RALGPS2: variants seen among roughly 807,000 people sequenced by gnomAD.
RALGPS2 encodes the protein ras-specific guanine nucleotide-releasing factor RalGPS2.
In RALGPS2, 43 loss-of-function variants were observed where a neutral mutation model predicts 86.8. The observed-to-expected ratio is 0.50, with a 90% confidence interval of 0.39 to 0.64. The LOEUF (loss-of-function observed/expected upper bound fraction) is 0.64. RALGPS2 is among the 30% of genes least tolerant of loss of function. The pLI, the probability that RALGPS2 is intolerant of heterozygous loss-of-function variation, is 0.00. For missense variants in RALGPS2, 536 were observed against 694.6 expected, an observed-to-expected ratio of 0.77 and a Z score of 2.57; for synonymous variants, 243 against 231.3, an observed-to-expected ratio of 1.05 and a Z score of -0.46.
At chr1:178,900,511 G>A (rs1442069125) in intron 17 of RALGPS2, among the ~76,000 whole-genome samples, 1 of 151,892 alleles carries the variant, frequency 6.6e-6, no homozygotes. Flanking sequence ...TCAGTATTTA[G>A]CTTGGTAATA....
intron 15 of RALGPS2, among the ~76,000 whole-genome samples, chr1:178,892,845 G>C (rs913803066): frequency 6.6e-6 from 1 of 152,076 alleles, no homozygotes; most frequent in African/African-American, 2.4e-5. Flanking sequence ...GGCAGATAAG[G>C]GTGGTGTATT....
rs557786716 is a variant in RALGPS2, at chr1:178,737,921, G to T, written c.-84+12502G>T. 4.6e-5 allele frequency among the ~76,000 whole-genome samples: 7 copies of T among 152,018 alleles called. No individual in the cohort carries two copies. The South Asian group carries it at 1.2e-3, about 27-fold the overall frequency. On this transcript the variant is annotated intron_variant, in intron 1 of 19. Coordinates refer to ENST00000367635, the MANE Select transcript of RALGPS2 (RefSeq NM_152663.5). ...GCCTCCCAAGTAGGTGGGACTACGGGTGCACACCACCACCCCTGGCTAATT... is the reference window on the plus strand; with the variant it reads ...GCCTCCCAAGTAGGTGGGACTACGGTTGCACACCACCACCCCTGGCTAATT...
intron 4 of RALGPS2, among the ~76,000 whole-genome samples, chr1:178,788,823 CTTTTG>C (rs1229146450): frequency 1.6e-5 from 2 of 128,378 alleles, no homozygotes; most frequent in Non-Finnish European, 3.4e-5. Flanking sequence ...CTTTTCTTTT[CTTTTG>C]TTTTCTTTCT....
intron 16 of RALGPS2, among the ~76,000 whole-genome samples, chr1:178,896,564 C>G (rs1167382793): frequency 6.7e-6 from 1 of 149,206 alleles, no homozygotes; most frequent in Non-Finnish European, 1.5e-5. Context: ...GTGCGCTGCA[C>G]CCACTAACTC....
At chr1:178,856,202 G>GAGAGAGATATATATATATATATATATAT (rs1428022812) in intron 8 of RALGPS2, among the ~76,000 whole-genome samples, 2 of 83,912 alleles carry the variant, frequency 2.4e-5, no homozygotes, top group African/African-American at 1.3e-4. Context: ...GAGAGAGAGA[G>GAGAGAGATATATATATATATATATATAT]ATATATATAT....
chr1:178,832,697 A>C (rs1656084988), intron 7 of RALGPS2, among the ~76,000 whole-genome samples: 1 of 152,098 alleles, frequency 6.6e-6, no homozygotes, highest in East Asian at 1.9e-4. Flanking sequence ...TAAATAAAAA[A>C]AAAAATTTTC....
At chr1:178,884,026 A>T (rs569526904) in intron 11 of RALGPS2, among the ~76,000 whole-genome samples, 38 of 152,308 alleles carry the variant, frequency 2.5e-4, no homozygotes, top group African/African-American at 9.1e-4. Context: ...TCAGTAGTGT[A>T]CAAACAAGTA....
Position 178,856,394 on chromosome 1 carries a change from ATTTTTTTTTTTTT to A in RALGPS2, c.608-21084_608-21072del, listed in dbSNP as rs71108081. 4.1e-3 allele frequency among the ~76,000 whole-genome samples: 150 copies of A among 36,436 alleles called. 2 individuals are homozygous for A. The highest frequency in any genetic ancestry group is 0.019 in the Middle Eastern group (1 of 54). The allele number at this position is 36,436 out of a possible 152,430, so 23.9% of individuals were successfully genotyped here. On this transcript the variant is annotated intron_variant, in intron 8 of 19. Transcript: ENST00000367635. Reference sequence around the variant, plus strand: ...AGGCAAGTGCCACCCTGCCTGGCTAATTTTTTTTTTTTTTTTTTTTTTTTTTTTTTTTGAGAGA... The same window carrying A: ...AGGCAAGTGCCACCCTGCCTGGCTAATTTTTTTTTTTTTTTTTTTGAGAGA...
chr1:178,761,629 C>T (rs1017906630), intron 1 of RALGPS2, among the ~76,000 whole-genome samples: 7 of 151,460 alleles, frequency 4.6e-5, no homozygotes, highest in South Asian at 2.1e-4. Context: ...GGTGTAATCT[C>T]GGCTCACTGC....
chr1:178,896,185 A>G (rs1440284939), intron 16 of RALGPS2, among the ~76,000 whole-genome samples: 3 of 152,078 alleles, frequency 2.0e-5, no homozygotes, highest in Admixed American at 6.6e-5. Context: ...AATTACAATC[A>G]TCAGTGACCT....
chr1:178,908,163 C>T (rs1469368289), intron 19 of RALGPS2, among the ~76,000 whole-genome samples: 2 of 152,190 alleles, frequency 1.3e-5, no homozygotes, highest in Admixed American at 6.5e-5. Context: ...GTTTACCTCC[C>T]ACTTACAAGT....
intron 8 of RALGPS2, among the ~76,000 whole-genome samples, chr1:178,873,053 T>C (rs1024754479): frequency 1.3e-5 from 2 of 152,056 alleles, no homozygotes; most frequent in African/African-American, 4.8e-5. Context: ...AGGGGGAAGA[T>C]ACGAAAGTTC....
At chr1:178,829,856 T>G (rs984200403) in intron 7 of RALGPS2, among the ~76,000 whole-genome samples, 4 of 152,180 alleles carry the variant, frequency 2.6e-5, no homozygotes, top group African/African-American at 9.7e-5. Flanking sequence ...GTGATTCTCC[T>G]GCCTCAGCCT....
At chr1:178,905,502 G>T (rs753022567) in intron 18 of RALGPS2, among the ~76,000 whole-genome samples, 1 of 152,096 alleles carries the variant, frequency 6.6e-6, no homozygotes, top group Non-Finnish European at 1.5e-5. Context: ...GGTGTTACTT[G>T]ACTAAACATT....
chr1:178,899,612 G>A (rs1016069490), intron 17 of RALGPS2, among the ~76,000 whole-genome samples: 1 of 148,786 alleles, frequency 6.7e-6, no homozygotes, highest in Non-Finnish European at 1.5e-5. Flanking sequence ...CACCTGTATT[G>A]TTGTGTTTTG....
chr1:178,778,117 TG>T (rs1180199041), intron 2 of RALGPS2, among the ~76,000 whole-genome samples: 5 of 126,830 alleles, frequency 3.9e-5, no homozygotes, highest in Non-Finnish European at 7.9e-5. Context: ...ACCTACAAAA[TG>T]GGAGAAAATT....
At chr1:178,869,598 G>A (rs1167811716) in intron 8 of RALGPS2, among the ~76,000 whole-genome samples, 1 of 152,012 alleles carries the variant, frequency 6.6e-6, no homozygotes, top group African/African-American at 2.4e-5. Context: ...ACTGTTGCTT[G>A]GAAATTTTGT....
chr1:178,817,538 A>T (rs1258099065), intron 6 of RALGPS2, among the ~76,000 whole-genome samples: 1 of 152,028 alleles, frequency 6.6e-6, no homozygotes, highest in Non-Finnish European at 1.5e-5. Context: ...CTTTGTAGTA[A>T]GCCTTGCAAT....
chr1:178,785,503 T>C, intron 3 of RALGPS2, 54 bp from the exon 4 acceptor site: 1 of 1,518,050 alleles, frequency 6.6e-7, no homozygotes, highest in African/African-American at 1.4e-5. Context: ...TTAGGTTACA[T>C]GTTATGGTAT....
Sources: allele counts gnomAD v4.1 joint callset (sites outside exome capture counted in the v4.1 genomes callset), GRCh38; gene constraint gnomAD v4.1.1; transcripts MANE v1.5; gene names NCBI Gene and HGNC (gene_info 2026-07-23, HGNC 2026-07-21).